OSBP2: variants seen among roughly 807,000 people sequenced by gnomAD.
OSBP2 encodes oxysterol binding protein 2.
A neutral mutation model predicts 96.0 loss-of-function variants in OSBP2; 66 were observed. The observed-to-expected ratio is 0.69, with a 90% CI of 0.56 to 0.84. OSBP2 has a LOEUF of 0.84. Among genes scored for constraint, OSBP2 ranks in the 40% least tolerant of loss-of-function variants. The probability of loss-of-function intolerance (pLI) is 0.00; values close to 1 mark genes in which losing one functional copy is unlikely to be tolerated. For synonymous variants in OSBP2, 525 were observed against 520.9 expected (o/e 1.01, Z -0.11); for missense variants, 1,038 against 1,222.7 (o/e 0.85, Z 2.25).
At chr22:30,782,848 GA>G (rs1265101627) in intron 2 of OSBP2, among the ~76,000 whole-genome samples, 1 of 152,124 alleles carries the variant, frequency 6.6e-6, no homozygotes, top group African/African-American at 2.4e-5. Flanking sequence ...CATCATCTTC[GA>G]AAGTGATTAC....
chr22:30,775,481 G>A (rs2090419287), intron 2 of OSBP2, among the ~76,000 whole-genome samples: 1 of 151,824 alleles, frequency 6.6e-6, no homozygotes, highest in African/African-American at 2.4e-5. Flanking sequence ...GCTGGGCGTG[G>A]TGGTGGGTGT....
intron 2 of OSBP2, among the ~76,000 whole-genome samples, chr22:30,831,731 G>C (rs1203384317): frequency 6.6e-6 from 1 of 152,078 alleles, no homozygotes; most frequent in African/African-American, 2.4e-5. Flanking sequence ...TCACTTGACT[G>C]TACTGAATCC....
At chr22:30,894,677 A>T (rs1192001023) in intron 12 of OSBP2, among the ~76,000 whole-genome samples, 1 of 152,262 alleles carries the variant, frequency 6.6e-6, no homozygotes, top group Non-Finnish European at 1.5e-5. Context: ...GAAGATAAAA[A>T]TAACAAAGAA....
chr22:30,782,755 CG>C (rs1298164789), intron 2 of OSBP2, among the ~76,000 whole-genome samples: 2 of 152,118 alleles, frequency 1.3e-5, no homozygotes, highest in Non-Finnish European at 2.9e-5. Context: ...TGGACATACA[CG>C]TTTTTTTATC....
At chr22:30,842,316 AC>A (rs1156663418) in intron 2 of OSBP2, among the ~76,000 whole-genome samples, 1 of 151,648 alleles carries the variant, frequency 6.6e-6, no homozygotes. Flanking sequence ...AACAAAACAA[AC>A]CCTCTATTAC....
At chr22:30,758,150 C>G (rs1049605058) in intron 2 of OSBP2, among the ~76,000 whole-genome samples, 1 of 152,162 alleles carries the variant, frequency 6.6e-6, no homozygotes, top group African/African-American at 2.4e-5. Context: ...GCCTGTAATC[C>G]GTGCACTTTG....
chr22:30,775,691 C>A (rs558426548), intron 2 of OSBP2, among the ~76,000 whole-genome samples: 6 of 152,270 alleles, frequency 3.9e-5, no homozygotes, highest in East Asian at 1.9e-4. Context: ...TCTTTAATAT[C>A]ATTGTTCAAA....
intron 2 of OSBP2, among the ~76,000 whole-genome samples, chr22:30,760,861 A>G (rs1167157291): frequency 6.6e-6 from 1 of 152,154 alleles, no homozygotes; most frequent in African/African-American, 2.4e-5. Flanking sequence ...TGGAATCATA[A>G]TATTAACAAT....
chr22:30,850,779 G>A (rs35644938), intron 2 of OSBP2, among the ~76,000 whole-genome samples: 7,519 of 152,244 alleles, frequency 0.049, 226 homozygotes, highest in Middle Eastern at 0.17. Context: ...GATTACAGGC[G>A]TGAGGCACTG....
intron 2 of OSBP2, among the ~76,000 whole-genome samples, chr22:30,745,384 G>C (rs1233973385): frequency 6.6e-6 from 1 of 152,322 alleles, no homozygotes; most frequent in Admixed American, 6.5e-5. Flanking sequence ...GTTGGGCTGG[G>C]CGTGGTGGCT....
chr22:30,824,617 T>G (rs7284605), intron 2 of OSBP2, among the ~76,000 whole-genome samples: 10,924 of 152,184 alleles, frequency 0.072, 1,215 homozygotes, highest in African/African-American at 0.24. Flanking sequence ...GAATTGATTG[T>G]GTCCTCGTCC....
In OSBP2 at chr22:30,887,416, C is replaced by T. The variant is rs1194915760; in HGVS notation, c.1108-10C>T. ...GCCAGGGTCTCATACCGCCACTCCT[C>T]CCTCCCCAGGCCTGCAGGGACTTCT... On this transcript the variant is annotated splice_polypyrimidine_tract_variant and intron_variant, in intron 3 of 13. Transcript: ENST00000332585. 6.2e-7 allele frequency: 1 copy of T among 1,608,052 alleles called. No individual in the cohort carries two copies. The highest frequency in any genetic ancestry group is 1.3e-5 in the African/African-American group (1 of 74,966).
At chr22:30,770,426 C>G (rs1213563767) in intron 2 of OSBP2, among the ~76,000 whole-genome samples, 1 of 152,128 alleles carries the variant, frequency 6.6e-6, no homozygotes, top group Non-Finnish European at 1.5e-5. Context: ...GCCTCCACAG[C>G]CATGTGGAAC....
At chr22:30,711,925 A>T (rs2089360269) in intron 1 of OSBP2, among the ~76,000 whole-genome samples, 1 of 152,050 alleles carries the variant, frequency 6.6e-6, no homozygotes, top group Non-Finnish European at 1.5e-5. Flanking sequence ...GGAGACCTGT[A>T]GAAAGACTTT....
At chr22:30,865,306 G>A (rs2039311700) in intron 2 of OSBP2, among the ~76,000 whole-genome samples, 1 of 152,082 alleles carries the variant, frequency 6.6e-6, no homozygotes, top group African/African-American at 2.4e-5. Context: ...CCCTGGTTCC[G>A]AGCCTCTATG....
At chr22:30,725,672 A>G (rs982357451) in intron 1 of OSBP2, among the ~76,000 whole-genome samples, 47 of 152,156 alleles carry the variant, frequency 3.1e-4, no homozygotes, top group Admixed American at 3.1e-3. Context: ...AAATGGGGCT[A>G]ATTTCCTCCA....
At chr22:30,824,748 C>T (rs1487996583) in intron 2 of OSBP2, among the ~76,000 whole-genome samples, 2 of 152,180 alleles carry the variant, frequency 1.3e-5, no homozygotes. Flanking sequence ...TTGCATCATG[C>T]ACCTAAGCCC....
chr22:30,822,323 G>C (rs1323352475), intron 2 of OSBP2, among the ~76,000 whole-genome samples: 1 of 152,248 alleles, frequency 6.6e-6, no homozygotes, highest in African/African-American at 2.4e-5. Flanking sequence ...AGCCTGCATG[G>C]GCGTCCGCGG....
intron 2 of OSBP2, among the ~76,000 whole-genome samples, chr22:30,779,714 C>CT (rs1274628787): frequency 6.6e-6 from 1 of 152,156 alleles, no homozygotes; most frequent in African/African-American, 2.4e-5. Flanking sequence ...AAAGAAGTAC[C>CT]TTTTTTTCAA....
Sources: gnomAD v4.1 joint callset for allele counts (sites outside exome capture counted in the v4.1 genomes callset) on GRCh38, gnomAD v4.1.1 for gene constraint, MANE v1.5 for transcripts, NCBI Gene and HGNC (gene_info 2026-07-23, HGNC 2026-07-21) for gene names.